Variants in RALGAPA1 observed in about 807,000 individuals in gnomAD.
The protein encoded by RALGAPA1 is ral GTPase-activating protein subunit alpha-1.
In RALGAPA1, 52 loss-of-function variants were observed where a neutral mutation model predicts 269.6. That is an observed-to-expected ratio of 0.19 (90% confidence interval 0.15 to 0.24). The LOEUF is 0.24. RALGAPA1 is among the 10% of genes least tolerant of loss of function. The pLI is 1.00. For synonymous variants in RALGAPA1, 817 were observed against 1,008.3 expected (o/e 0.81, Z 3.60); for missense variants, 1,917 against 3,013.9 (o/e 0.64, Z 8.52).
At chr14:35,718,516 G>A (rs757748494) in intron 16 of RALGAPA1, among the ~76,000 whole-genome samples, 2 of 151,956 alleles carry the variant, frequency 1.3e-5, no homozygotes, top group Admixed American at 1.3e-4. Context: ...AACCATGTAC[G>A]TTCATGAAAA....
chr14:35,579,601 C>A (rs907701776), intron 37 of RALGAPA1, among the ~76,000 whole-genome samples: 4 of 72,694 alleles, frequency 5.5e-5, no homozygotes, highest in Non-Finnish European at 7.9e-5. Context: ...AGTGAGACTC[C>A]GTCTCAAAAA....
At chr14:35,569,556 G>C (rs2056996975) in intron 39 of RALGAPA1, among the ~76,000 whole-genome samples, 1 of 152,130 alleles carries the variant, frequency 6.6e-6, no homozygotes, top group South Asian at 2.1e-4. Flanking sequence ...AGCTAAGAAA[G>C]CATGGCCAGC....
intron 27 of RALGAPA1, among the ~76,000 whole-genome samples, chr14:35,661,044 A>G (rs1490383997): frequency 2.0e-5 from 3 of 152,182 alleles, no homozygotes; most frequent in Non-Finnish European, 4.4e-5. Flanking sequence ...CTTAATGTAC[A>G]GCATGGTGAC....
At chr14:35,770,146 TAAATGAC>T (rs2074506790) in intron 4 of RALGAPA1, among the ~76,000 whole-genome samples, 1 of 152,120 alleles carries the variant, frequency 6.6e-6, no homozygotes, top group South Asian at 2.1e-4. Flanking sequence ...ATTAATAGAA[TAAATGAC>T]AAAAGCACCA....
At chr14:35,808,247 T>C (rs1251841730) in intron 1 of RALGAPA1, among the ~76,000 whole-genome samples, 2 of 152,210 alleles carry the variant, frequency 1.3e-5, no homozygotes, top group Non-Finnish European at 2.9e-5. Context: ...GCGGGGCTCC[T>C]TCCCACAGCT....
chr14:35,650,699 A>C (rs946763530), intron 31 of RALGAPA1, among the ~76,000 whole-genome samples: 1 of 152,210 alleles, frequency 6.6e-6, no homozygotes, highest in Non-Finnish European at 1.5e-5. Flanking sequence ...TAAGAACATA[A>C]GCAGTAAATA....
chr14:35,776,381 T>TG (rs1265546069), intron 1 of RALGAPA1, among the ~76,000 whole-genome samples: 39 of 144,476 alleles, frequency 2.7e-4, no homozygotes, highest in African/African-American at 8.9e-4. Flanking sequence ...GACTCCACCT[T>TG]GGGGAAAAAA....
intron 39 of RALGAPA1, among the ~76,000 whole-genome samples, chr14:35,555,291 T>C (rs973354771): frequency 3.9e-5 from 6 of 152,144 alleles, no homozygotes; most frequent in African/African-American, 1.4e-4. Flanking sequence ...ATTTCCCCCA[T>C]TGGTTGTGAT....
chr14:35,597,007 G>C (rs773780875), intron 36 of RALGAPA1, among the ~76,000 whole-genome samples: 2 of 151,944 alleles, frequency 1.3e-5, no homozygotes, highest in Non-Finnish European at 2.9e-5. Context: ...CCTCATTTTT[G>C]GTTCCTGGCT....
intron 1 of RALGAPA1, among the ~76,000 whole-genome samples, chr14:35,802,516 G>A (rs976685300): frequency 1.3e-5 from 2 of 152,088 alleles, no homozygotes; most frequent in Non-Finnish European, 2.9e-5. Context: ...ACAAAACACT[G>A]CTGAGAGAAA....
chr14:35,688,394 A>G (rs2066144976), intron 18 of RALGAPA1, 65 bp downstream of exon 18: 1 of 1,522,062 alleles, frequency 6.6e-7, no homozygotes, highest in Non-Finnish European at 8.8e-7. Flanking sequence ...AGCTTGCTTC[A>G]GTTGCATTAA....
At chr14:35,771,335 C>T (rs1055068311) in intron 3 of RALGAPA1, among the ~76,000 whole-genome samples, 15 of 152,026 alleles carry the variant, frequency 9.9e-5, no homozygotes, top group Middle Eastern at 3.4e-3. Context: ...CAGAGGTTAC[C>T]GTGAGCCGAG....
At chr14:35,590,121 C>T (rs983710356) in intron 37 of RALGAPA1, among the ~76,000 whole-genome samples, 1 of 152,094 alleles carries the variant, frequency 6.6e-6, no homozygotes, top group Non-Finnish European at 1.5e-5. Flanking sequence ...TATTCCAATC[C>T]TATTTAACAT....
intron 33 of RALGAPA1, among the ~76,000 whole-genome samples, chr14:35,629,642 C>G (rs1463064165): frequency 6.6e-6 from 1 of 152,040 alleles, no homozygotes; most frequent in Non-Finnish European, 1.5e-5. Context: ...CAGCTGGGGA[C>G]TACAGGCGCG....
chr14:35,720,900 C>A (rs2069352601), intron 16 of RALGAPA1, among the ~76,000 whole-genome samples: 1 of 152,116 alleles, frequency 6.6e-6, no homozygotes. Context: ...ACAAAGGCAA[C>A]AGAGCGAGAT....
chr14:35,727,117 T>G (rs954825226), intron 13 of RALGAPA1, among the ~76,000 whole-genome samples: 3 of 151,890 alleles, frequency 2.0e-5, no homozygotes, highest in African/African-American at 7.2e-5. Flanking sequence ...ATTAGGCATA[T>G]GCTTTGACTA....
chr14:35,674,775 C>A, intron 22 of RALGAPA1, 66 bp from the exon 23 acceptor site: 1 of 681,968 alleles, frequency 1.5e-6, no homozygotes, highest in Non-Finnish European at 2.4e-6. Flanking sequence ...CCCCAAGAAA[C>A]CAAGCTAAAT....
At chr14:35,705,197 G>C (rs1240312306) in intron 16 of RALGAPA1, among the ~76,000 whole-genome samples, 1 of 152,044 alleles carries the variant, frequency 6.6e-6, no homozygotes, top group African/African-American at 2.4e-5. Flanking sequence ...TTACATTAGG[G>C]ATCACTGTTT....
At chr14:35,755,708 C>G (rs956875987) in intron 7 of RALGAPA1, among the ~76,000 whole-genome samples, 3 of 152,154 alleles carry the variant, frequency 2.0e-5, no homozygotes, top group Non-Finnish European at 4.4e-5. Flanking sequence ...ATTTTTATCT[C>G]TATTTCACAA....
Sources: allele counts gnomAD v4.1 joint callset (sites outside exome capture counted in the v4.1 genomes callset), GRCh38; gene constraint gnomAD v4.1.1; transcripts MANE v1.5; gene names NCBI Gene and HGNC (gene_info 2026-07-23, HGNC 2026-07-21).